Variants in WWC1 observed in about 807,000 individuals in gnomAD.
WWC1 encodes protein KIBRA.
A neutral mutation model predicts 138.4 loss-of-function variants in WWC1; 55 were observed. The ratio of observed to expected loss-of-function variants is 0.40; its 90% CI spans 0.32 to 0.50. The LOEUF is 0.50. Ranked by LOEUF, WWC1 falls within the 20% of genes least tolerant of loss-of-function variation. WWC1 has a pLI of 0.72. For missense variants in WWC1, 1,226 were observed against 1,420.4 expected, an observed-to-expected ratio of 0.86 and a Z score of 2.20; for synonymous variants, 524 against 564.9, an observed-to-expected ratio of 0.93 and a Z score of 1.03.
At chr5:168,419,866 T>C (rs1780950905) in intron 9 of WWC1, among the ~76,000 whole-genome samples, 2 of 152,156 alleles carry the variant, frequency 1.3e-5, no homozygotes, top group African/African-American at 2.4e-5. Flanking sequence ...GGCTGAGATA[T>C]GGTCCAAAAG....
At chr5:168,386,920 G>A (rs1399648655) in intron 3 of WWC1, among the ~76,000 whole-genome samples, 2 of 152,210 alleles carry the variant, frequency 1.3e-5, no homozygotes, top group South Asian at 2.1e-4. Context: ...AAAGTGCTGG[G>A]ATTACAGGTG....
chr5:168,423,152 A>G (rs1347774127), intron 10 of WWC1, among the ~76,000 whole-genome samples: 2 of 143,684 alleles, frequency 1.4e-5, no homozygotes, highest in East Asian at 4.2e-4. Flanking sequence ...CCCCCCCCAA[A>G]AAAAAAAAAA....
chr5:168,340,007 T>TC (rs1561631193), intron 1 of WWC1, among the ~76,000 whole-genome samples: 1 of 93,012 alleles, frequency 1.1e-5, no homozygotes, highest in Non-Finnish European at 2.6e-5. Flanking sequence ...CTTTCTCTCT[T>TC]TCTTTCTTTT....
At chr5:168,334,549 C>T (rs1156324892) in intron 1 of WWC1, among the ~76,000 whole-genome samples, 2 of 152,038 alleles carry the variant, frequency 1.3e-5, no homozygotes, top group Non-Finnish European at 2.9e-5. Flanking sequence ...AGACCCTCCC[C>T]CCTCCACCCC....
At chr5:168,373,100 T>C (rs571075352) in intron 2 of WWC1, among the ~76,000 whole-genome samples, 9 of 152,290 alleles carry the variant, frequency 5.9e-5, no homozygotes, top group South Asian at 4.1e-4. Context: ...ATATGCCTAA[T>C]TGAGTGTGTA....
At chr5:168,435,973 G>A (rs1350763865) in intron 15 of WWC1, among the ~76,000 whole-genome samples, 3 of 152,022 alleles carry the variant, frequency 2.0e-5, no homozygotes, top group Non-Finnish European at 4.4e-5. Context: ...CTCCCAAGTA[G>A]CTGGGACTAT....
chr5:168,373,950 G>A (rs1221260847), intron 2 of WWC1, among the ~76,000 whole-genome samples: 3 of 151,148 alleles, frequency 2.0e-5, no homozygotes, highest in Non-Finnish European at 4.4e-5. Context: ...GGAGGCTGAG[G>A]CAGGAGAATG....
intron 15 of WWC1, among the ~76,000 whole-genome samples, chr5:168,440,510 G>GTTGTTGTT (rs796087076): frequency 9.2e-5 from 14 of 151,968 alleles, no homozygotes; most frequent in African/African-American, 2.9e-4. Flanking sequence ...TGTTGTTGTT[G>GTTGTTGTT]TTGTTTTGTT....
At chr5:168,293,452 A>G (rs760558109) in intron 1 of WWC1, among the ~76,000 whole-genome samples, 30 of 152,144 alleles carry the variant, frequency 2.0e-4, no homozygotes, top group Non-Finnish European at 3.2e-4. Context: ...ATAAGCGGAA[A>G]GAAAATGAGA....
At chr5:168,339,564 C>T (rs1294983609) in intron 1 of WWC1, among the ~76,000 whole-genome samples, 2 of 152,152 alleles carry the variant, frequency 1.3e-5, no homozygotes, top group Non-Finnish European at 2.9e-5. Flanking sequence ...GGGTGAGTTA[C>T]TTACCCTCTG....
chr5:168,305,984 G>T (rs1770525224), intron 1 of WWC1, among the ~76,000 whole-genome samples: 1 of 152,184 alleles, frequency 6.6e-6, no homozygotes, highest in African/African-American at 2.4e-5. Context: ...ACCTTGTAAA[G>T]GGGACAAGTG....
chr5:168,394,795 A>T (rs1001050708), intron 3 of WWC1, among the ~76,000 whole-genome samples: 2 of 152,084 alleles, frequency 1.3e-5, no homozygotes, highest in African/African-American at 4.8e-5. Flanking sequence ...GAGGCTGATG[A>T]CCTGTTTTCT....
intron 1 of WWC1, among the ~76,000 whole-genome samples, chr5:168,345,418 G>T (rs1403468131): frequency 6.6e-6 from 1 of 152,044 alleles, no homozygotes; most frequent in Non-Finnish European, 1.5e-5. Context: ...CCTTTTAAAG[G>T]GCCTGTTGTC....
At chr5:168,336,498 G>C (rs1773465706) in intron 1 of WWC1, among the ~76,000 whole-genome samples, 1 of 150,474 alleles carries the variant, frequency 6.6e-6, no homozygotes, top group Admixed American at 6.6e-5. Context: ...CTTAAACCCA[G>C]GAGGCGGAGG....
chr5:168,299,740 G>A (rs566629052), intron 1 of WWC1, among the ~76,000 whole-genome samples: 203 of 152,342 alleles, frequency 1.3e-3, no homozygotes, highest in Non-Finnish European at 2.4e-3. Flanking sequence ...TGCACGTAAG[G>A]AGAAACAGGG....
At chr5:168,406,704 G>A (rs1779820748) in intron 6 of WWC1, among the ~76,000 whole-genome samples, 1 of 152,124 alleles carries the variant, frequency 6.6e-6, no homozygotes, top group Non-Finnish European at 1.5e-5. Flanking sequence ...CACTTTGGGA[G>A]GCTGAGGCGG....
At chr5:168,359,572 A>G (rs76625610) in intron 1 of WWC1, among the ~76,000 whole-genome samples, 2,790 of 152,284 alleles carry the variant, frequency 0.018, 38 homozygotes, top group South Asian at 0.055. Context: ...CCATTATTGT[A>G]TGTGCCATAA....
intron 2 of WWC1, among the ~76,000 whole-genome samples, chr5:168,380,190 A>G (rs2152814799): frequency 6.6e-6 from 1 of 152,370 alleles, no homozygotes; most frequent in South Asian, 2.1e-4. Flanking sequence ...CATGCCTGTA[A>G]TCCCAGCACT....
At chr5:168,437,497 C>G (rs1485886683) in intron 15 of WWC1, among the ~76,000 whole-genome samples, 1 of 152,056 alleles carries the variant, frequency 6.6e-6, no homozygotes, top group Non-Finnish European at 1.5e-5. Context: ...TGGAGTTTAC[C>G]TATGGAGTTG....
Sources: gnomAD v4.1 joint callset for allele counts (sites outside exome capture counted in the v4.1 genomes callset) on GRCh38, gnomAD v4.1.1 for gene constraint, MANE v1.5 for transcripts, NCBI Gene and HGNC (gene_info 2026-07-23, HGNC 2026-07-21) for gene names.